The following ST6GALNAC5 variants were observed in gnomAD, a reference collection of about 807,000 sequenced individuals.
ST6GALNAC5 encodes the protein ST6 N-acetylgalactosaminide alpha-2,6-sialyltransferase 5.
Under a neutral mutation model 33.6 loss-of-function variants are expected in ST6GALNAC5, and 27 were observed. That is an observed-to-expected ratio of 0.80 (90% confidence interval 0.59 to 1.11). The LOEUF is 1.11. Ranked by LOEUF, ST6GALNAC5 falls within the 50% of genes least tolerant of loss-of-function variation. The probability of loss-of-function intolerance (pLI) is 0.00; values close to 1 mark genes in which losing one functional copy is unlikely to be tolerated. For synonymous variants in ST6GALNAC5, 194 were observed against 171.2 expected, an observed-to-expected ratio of 1.13 and a Z score of -1.04; for missense variants, 428 against 454.0, an observed-to-expected ratio of 0.94 and a Z score of 0.52.
At chr1:76,932,860 T>C (rs1013341585) in intron 2 of ST6GALNAC5, among the ~76,000 whole-genome samples, 2 of 152,068 alleles carry the variant, frequency 1.3e-5, no homozygotes, top group African/African-American at 4.8e-5. Context: ...AGGAATTCCA[T>C]ATGTAGGAGA....
At chr1:77,000,830 C>T (rs1650124451) in intron 2 of ST6GALNAC5, among the ~76,000 whole-genome samples, 2 of 152,148 alleles carry the variant, frequency 1.3e-5, no homozygotes, top group African/African-American at 4.8e-5. Context: ...CTGAGGGCTC[C>T]GTTTTGTTCC....
chr1:76,991,144 C>T (rs982165518), intron 2 of ST6GALNAC5, among the ~76,000 whole-genome samples: 12 of 152,240 alleles, frequency 7.9e-5, no homozygotes, highest in African/African-American at 2.6e-4. Flanking sequence ...GGGGGGAAGA[C>T]AGTGGATATG....
intron 4 of ST6GALNAC5, among the ~76,000 whole-genome samples, chr1:77,059,883 T>G (rs1652520022): frequency 6.6e-6 from 1 of 152,216 alleles, no homozygotes; most frequent in South Asian, 2.1e-4. Context: ...GAAATTATCA[T>G]GGACTCATGG....
Position 76,868,168 on chromosome 1 carries a change from C to T in ST6GALNAC5, c.16-329C>T, listed in dbSNP as rs976247381. The stretch of plus-strand genomic sequence containing the variant: ...TCCAGCAGCTTGGCTGGGGTGGCTG[C>T]GCCAGACGGGCCCTTCCCCAAAGTG... On this transcript the variant is annotated intron_variant, in intron 1 of 4. Transcript: ENST00000477717. The surrounding 1 kb of genome is among the most constrained non-coding windows in gnomAD (Gnocchi z 4.3). Among the ~76,000 whole-genome samples, 2 of 152,158 alleles carry T rather than the reference C, an allele frequency of 1.3e-5. No homozygotes were observed. Among genetic ancestry groups the T allele is most frequent in the African/African-American group, 4.8e-5 (2 of 41,452 alleles).
chr1:76,946,693 G>C (rs1647529319), intron 2 of ST6GALNAC5, among the ~76,000 whole-genome samples: 1 of 152,052 alleles, frequency 6.6e-6, no homozygotes, highest in Non-Finnish European at 1.5e-5. Flanking sequence ...CGGTTGTTTA[G>C]TTTTACCACT....
chr1:77,010,893 G>A (rs1338761310), intron 2 of ST6GALNAC5, among the ~76,000 whole-genome samples: 1 of 152,238 alleles, frequency 6.6e-6, no homozygotes, highest in African/African-American at 2.4e-5. Flanking sequence ...ATATTTGAAA[G>A]GAAAGTTGAG....
chr1:76,899,630 C>T (rs60996303), intron 2 of ST6GALNAC5, among the ~76,000 whole-genome samples: 3 of 151,950 alleles, frequency 2.0e-5, no homozygotes, highest in Non-Finnish European at 4.4e-5. Flanking sequence ...CACCAAGGGA[C>T]GGCTGCCTTC....
intron 2 of ST6GALNAC5, among the ~76,000 whole-genome samples, chr1:77,026,502 A>G (rs928997198): frequency 1.3e-5 from 2 of 150,108 alleles, no homozygotes; most frequent in Non-Finnish European, 2.9e-5. Context: ...GGTGTCATTG[A>G]GAGGGGTTCA....
chr1:76,986,847 A>T (rs1223008850), intron 2 of ST6GALNAC5, among the ~76,000 whole-genome samples: 1 of 152,190 alleles, frequency 6.6e-6, no homozygotes, highest in Non-Finnish European at 1.5e-5. Context: ...AAAATAAAGG[A>T]TGAGTTCATG....
chr1:76,971,680 C>T (rs1648763445), intron 2 of ST6GALNAC5, among the ~76,000 whole-genome samples: 2 of 152,072 alleles, frequency 1.3e-5, no homozygotes, highest in African/African-American at 4.8e-5. Flanking sequence ...AGAATACTCA[C>T]ATTAGTGTAC....
chr1:76,947,440 C>G (rs1647564177), intron 2 of ST6GALNAC5, among the ~76,000 whole-genome samples: 1 of 152,082 alleles, frequency 6.6e-6, no homozygotes, highest in Admixed American at 6.6e-5. Context: ...ATTACAAAAA[C>G]TAAGACTTTG....
intron 2 of ST6GALNAC5, among the ~76,000 whole-genome samples, chr1:76,902,136 C>T (rs951047159): frequency 6.6e-6 from 1 of 151,928 alleles, no homozygotes; most frequent in African/African-American, 2.4e-5. Flanking sequence ...TTAAAGAATA[C>T]ACCAAAAATT....
Position 76,868,944 on chromosome 1 carries a change from A to T in ST6GALNAC5, c.261+202A>T. On this transcript the variant is annotated intron_variant, in intron 2 of 4. Coordinates refer to ENST00000477717, the MANE Select transcript of ST6GALNAC5 (RefSeq NM_030965.3). The surrounding 1 kb of genome is among the most constrained non-coding windows in gnomAD (Gnocchi z 4.3). ...GAGAAAGACACAAAGTTTTGTAGAAAATAGGGGTGAGGTGCGTGGACCCCA... is the reference window on the plus strand; with the variant it reads ...GAGAAAGACACAAAGTTTTGTAGAATATAGGGGTGAGGTGCGTGGACCCCA... 1 of 888,850 alleles carries T rather than the reference A, an allele frequency of 1.1e-6. No individual in the cohort carries two copies. Among genetic ancestry groups the T allele is most frequent in the Admixed American group, 3.6e-5 (1 of 27,824 alleles). 55.1% of individuals were successfully genotyped at this position (888,850 alleles called of 1,614,324 possible).
intron 2 of ST6GALNAC5, among the ~76,000 whole-genome samples, chr1:77,012,070 T>C (rs2100424811): frequency 6.6e-6 from 1 of 152,282 alleles, no homozygotes; most frequent in African/African-American, 2.4e-5. Flanking sequence ...GATTCTTAGG[T>C]CTGAGACTTT....
intron 2 of ST6GALNAC5, among the ~76,000 whole-genome samples, chr1:76,999,613 T>C (rs1405475373): frequency 1.3e-5 from 2 of 151,406 alleles, no homozygotes; most frequent in Non-Finnish European, 2.9e-5. Context: ...TAGCATTAGG[T>C]ATATCTCCCA....
rs1243272756 is a variant in ST6GALNAC5, at chr1:77,063,786, G to A, written c.*580G>A. On this transcript the variant is annotated 3_prime_UTR_variant, in exon 5 of 5. Coordinates refer to ENST00000477717, the MANE Select transcript of ST6GALNAC5 (RefSeq NM_030965.3). ...CAGTATTTTTATAGATTATGATTAT[G>A]TGGTAATTTATCCTTCCTAACTCTT... 1 of 154,000 alleles carries A rather than the reference G, an allele frequency of 6.5e-6. No homozygotes were observed. 9.5% of individuals were successfully genotyped at this position (154,000 alleles called of 1,614,324 possible).
chr1:77,037,509 C>T (rs1651690309), intron 2 of ST6GALNAC5, among the ~76,000 whole-genome samples: 1 of 151,802 alleles, frequency 6.6e-6, no homozygotes, highest in South Asian at 2.1e-4. Context: ...ACATTATACC[C>T]ATGTAACAAA....
chr1:76,874,136 A>C (rs1161894883), intron 2 of ST6GALNAC5, among the ~76,000 whole-genome samples: 1 of 152,230 alleles, frequency 6.6e-6, no homozygotes, highest in Non-Finnish European at 1.5e-5. Flanking sequence ...TTAAGCTTTC[A>C]AACTAATATT....
At chr1:77,062,747 G>A (rs536343862) in intron 4 of ST6GALNAC5, among the ~76,000 whole-genome samples, 1 of 152,110 alleles carries the variant, frequency 6.6e-6, no homozygotes, top group Non-Finnish European at 1.5e-5. Flanking sequence ...TGAATGTTCT[G>A]CAGCTCATTT....
Sources: allele counts gnomAD v4.1 joint callset (sites outside exome capture counted in the v4.1 genomes callset), GRCh38; gene constraint gnomAD v4.1.1; non-coding constraint Gnocchi (gnomAD v3.1); transcripts MANE v1.5; gene names NCBI Gene and HGNC (gene_info 2026-07-23, HGNC 2026-07-21).